Variants in MAP3K4 observed in about 807,000 individuals in gnomAD.
MAP3K4 encodes the protein MAP three kinase 1.
MAP3K4 carries 67 observed loss-of-function variants against 185.6 expected under a neutral mutation model. The observed-to-expected ratio is 0.36, with a 90% CI of 0.30 to 0.44. The LOEUF (loss-of-function observed/expected upper bound fraction) is 0.44. MAP3K4 is among the 20% of genes least tolerant of loss of function. The probability of loss-of-function intolerance (pLI) is 1.00; values close to 1 mark genes in which losing one functional copy is unlikely to be tolerated. For synonymous variants in MAP3K4, 702 were observed against 710.4 expected (o/e 0.99, Z 0.19); for missense variants, 1,551 against 1,995.1 (o/e 0.78, Z 4.24).
Position 161,098,576 on chromosome 6 carries a change from C to T in MAP3K4, c.3674+149C>T, listed in dbSNP as rs546161809. 55 of 882,498 alleles carry T rather than the reference C, an allele frequency of 6.2e-5. No homozygotes were observed. In the Middle Eastern group the frequency reaches 6.9e-4, roughly 11 times the overall value. The allele number at this position is 882,498 out of a possible 1,614,324, so 54.7% of individuals were successfully genotyped here. On this transcript the variant is annotated intron_variant, in intron 17 of 26. Transcript: ENST00000392142. The surrounding 1 kb of genome is among the most constrained non-coding windows in gnomAD (Gnocchi z 4.4). ...CTCTAGGGCCTTCCGCAGGTTGTCA[C>T]GGCCCAGAGGCTCTGGCACTGACCA...
chr6:161,070,823 A>C lies in MAP3K4; in HGVS notation c.1923A>C (p.Gly641=). The C allele has an allele frequency of 6.2e-7, 1 of 1,613,576 alleles. No individual in the cohort carries two copies. The highest frequency in any genetic ancestry group is 2.2e-5 in the East Asian group (1 of 44,870). The change falls in exon 4 of 27, where the codon GGA becomes GGC. Residue 641 remains glycine, a synonymous_variant. Coordinates refer to ENST00000392142, the MANE Select transcript of MAP3K4 (RefSeq NM_005922.4). This position sits in a 1 kb window ranked among gnomAD's most constrained non-coding sequence, Gnocchi z 4.5. ...LKLRLEQRPA[G]EPSLLSIKQL... is the part of the protein sequence containing the mutation. ...TAAGATTGGAGCAGAGACCTGCTGG[A>C]GAACCATCTCTCTTGAGTATTAAGC...
In MAP3K4 at chr6:161,000,720, T is replaced by C. The variant is rs73022082; in HGVS notation, c.152+8637T>C. On this transcript the variant is annotated intron_variant, in intron 1 of 26. Coordinates refer to ENST00000392142, the MANE Select transcript of MAP3K4 (RefSeq NM_005922.4). ...CACACATATATGTGTACACCATATA[T>C]ACACACACATACACACACATATATG... 7.8e-3 allele frequency among the ~76,000 whole-genome samples: 1,172 copies of C among 150,886 alleles called. 7 individuals are homozygous for C. The highest frequency in any genetic ancestry group is 0.011 in the Non-Finnish European group (719 of 67,906).
rs1041116259 is a variant in MAP3K4, at chr6:161,074,939, A to G, written c.2097+1327A>G. ...AGCACATTTCCCCTGCCTTTTGTTG[A>G]CCAGACCTGTTGCATGGCCTCACTG... is the stretch of plus-strand genomic sequence containing the variant. On this transcript the variant is annotated intron_variant, in intron 5 of 26. Coordinates refer to ENST00000392142, the MANE Select transcript of MAP3K4 (RefSeq NM_005922.4). This position sits in a 1 kb window ranked among gnomAD's most constrained non-coding sequence, Gnocchi z 5.0. 1.3e-5 allele frequency among the ~76,000 whole-genome samples: 2 copies of G among 152,134 alleles called. No homozygotes were observed. The highest frequency in any genetic ancestry group is 2.9e-5 in the Non-Finnish European group (2 of 68,022).
intron 3 of MAP3K4, among the ~76,000 whole-genome samples, chr6:161,066,669 T>G (rs1025273292): frequency 6.6e-6 from 1 of 152,202 alleles, no homozygotes; most frequent in Non-Finnish European, 1.5e-5. Flanking sequence ...TTAAGGAAAT[T>G]GCTGTTTCCT....
chr6:161,047,490 G>A (rs1783788224), intron 2 of MAP3K4, among the ~76,000 whole-genome samples: 1 of 152,204 alleles, frequency 6.6e-6, no homozygotes, highest in African/African-American at 2.4e-5. Context: ...TCTAATTTCA[G>A]AGATGTTAAT....
At position 161,014,720 on chromosome 6, in the gene MAP3K4, C is replaced by CT. The variant is rs146514625; in HGVS notation, c.153-19538dup. 7.8e-3 allele frequency among the ~76,000 whole-genome samples: 1,192 copies of CT among 152,294 alleles called. 7 individuals are homozygous for CT. Among genetic ancestry groups the CT allele is most frequent in the Non-Finnish European group, 0.011 (727 of 68,024 alleles). The stretch of plus-strand genomic sequence containing the variant: ...GAGGAAGAGAACTATAACAGTAGGG[C>CT]TCTTGCCTTTACTTATATTTTAGAT... On this transcript the variant is annotated intron_variant, in intron 1 of 26. Transcript: ENST00000392142.
Position 161,104,510 on chromosome 6 carries a change from G to A in MAP3K4, c.3856+1731G>A, listed in dbSNP as rs201076385. Among the ~76,000 whole-genome samples the A allele has an allele frequency of 1.0e-3, 159 of 151,678 alleles. 1 individual carries two copies. The East Asian group carries it at 0.018, about 17-fold the overall frequency. On this transcript the variant is annotated intron_variant, in intron 19 of 26. Transcript: ENST00000392142. Reference sequence around the variant, plus strand: ...AGGTGGATCACGAGGTCAAGAGGTCGAAACCATCCTGGCCAATGTGGTGAA... The same window carrying A: ...AGGTGGATCACGAGGTCAAGAGGTCAAAACCATCCTGGCCAATGTGGTGAA...
intron 3 of MAP3K4, among the ~76,000 whole-genome samples, chr6:161,059,814 A>T (rs1784408654): frequency 1.4e-5 from 2 of 147,084 alleles, no homozygotes; most frequent in Non-Finnish European, 3.0e-5. Flanking sequence ...ATGTGTTATC[A>T]TTGTTCATTA....
chr6:160,996,111 C>G lies in MAP3K4; in HGVS notation c.152+4028C>G, dbSNP rs1002310609. Among the ~76,000 whole-genome samples the G allele has an allele frequency of 6.7e-6, 1 of 150,016 alleles. No individual in the cohort carries two copies. The highest frequency in any genetic ancestry group is 1.5e-5 in the Non-Finnish European group (1 of 67,804). On this transcript the variant is annotated intron_variant, in intron 1 of 26. Transcript: ENST00000392142. The surrounding 1 kb of genome is among the most constrained non-coding windows in gnomAD (Gnocchi z 4.5). Reference sequence around the variant, plus strand: ...CCACCTTGAGCCTGTGTGTTTCAGTCTTGACCTTGTATGTCAACTGTTCTC... The same window carrying G: ...CCACCTTGAGCCTGTGTGTTTCAGTGTTGACCTTGTATGTCAACTGTTCTC...
At chr6:161,012,993 G>A (rs559203197) in intron 1 of MAP3K4, among the ~76,000 whole-genome samples, 2 of 152,062 alleles carry the variant, frequency 1.3e-5, no homozygotes, top group South Asian at 2.1e-4. Flanking sequence ...TGAACCTCTC[G>A]GTACATACCA....
chr6:161,012,709 A>G (rs1488700053), intron 1 of MAP3K4, among the ~76,000 whole-genome samples: 1 of 152,196 alleles, frequency 6.6e-6, no homozygotes, highest in Non-Finnish European at 1.5e-5. Flanking sequence ...CCTTAGACAT[A>G]CATGAGAAAA....
Position 161,101,862 on chromosome 6 carries a change from A to G in MAP3K4, c.3675-30A>G, listed in dbSNP as rs1777852721. On this transcript the variant is annotated intron_variant, in intron 17 of 26. Transcript: ENST00000392142. The surrounding 1 kb of genome is among the most constrained non-coding windows in gnomAD (Gnocchi z 5.1). ...TTTCATTTTAAGTTCTATTGAATTGATAGCTCAATTATTAAAAATATTAAA... is the reference window on the plus strand; with the variant it reads ...TTTCATTTTAAGTTCTATTGAATTGGTAGCTCAATTATTAAAAATATTAAA... 6.4e-7 allele frequency: 1 copy of G among 1,552,954 alleles called. No homozygotes were observed. The highest frequency in any genetic ancestry group is 8.9e-7 in the Non-Finnish European group (1 of 1,125,668).
At position 161,106,207 on chromosome 6, in the gene MAP3K4, G is replaced by A. The variant is rs1454553412; in HGVS notation, c.3857-307G>A. 2.6e-5 allele frequency among the ~76,000 whole-genome samples: 4 copies of A among 152,140 alleles called. No homozygotes were observed. The highest frequency in any genetic ancestry group is 1.3e-4 in the Admixed American group (2 of 15,278). On this transcript the variant is annotated intron_variant, in intron 19 of 26. Coordinates refer to ENST00000392142, the MANE Select transcript of MAP3K4 (RefSeq NM_005922.4). The surrounding 1 kb of genome is among the most constrained non-coding windows in gnomAD (Gnocchi z 4.9). ...TTTTAATAATATGGCAAACAAGAGT[G>A]TGGAATGGAGAGAGGAGAAACTAGA...
At chr6:161,004,994 C>CT (rs919521253) in intron 1 of MAP3K4, among the ~76,000 whole-genome samples, 1 of 152,104 alleles carries the variant, frequency 6.6e-6, no homozygotes, top group Non-Finnish European at 1.5e-5. Flanking sequence ...TACTAAAGGT[C>CT]TTTTTAAAAA....
At position 161,007,536 on chromosome 6, in the gene MAP3K4, G is replaced by A. The variant is rs1376359912; in HGVS notation, c.152+15453G>A. Among the ~76,000 whole-genome samples, 1 of 152,156 alleles carries A rather than the reference G, an allele frequency of 6.6e-6. No homozygotes were observed. The highest frequency in any genetic ancestry group is 6.5e-5 in the Admixed American group (1 of 15,282). ...AACAGTTGTGTCAAGTGATGGGTGT[G>A]TAAGTGCCCAACTCATTCTGTCCTT... On this transcript the variant is annotated intron_variant, in intron 1 of 26. Coordinates refer to ENST00000392142, the MANE Select transcript of MAP3K4 (RefSeq NM_005922.4). The surrounding 1 kb of genome is among the most constrained non-coding windows in gnomAD (Gnocchi z 4.5).
At chr6:161,092,453 G>A (rs1227166593) in intron 13 of MAP3K4, among the ~76,000 whole-genome samples, 1 of 152,028 alleles carries the variant, frequency 6.6e-6, no homozygotes, top group East Asian at 1.9e-4. Flanking sequence ...AAACCATTTT[G>A]GAATTTGCAG....
chr6:161,033,943 G>A (rs926100413), intron 1 of MAP3K4, among the ~76,000 whole-genome samples: 2 of 152,136 alleles, frequency 1.3e-5, no homozygotes, highest in Admixed American at 1.3e-4. Context: ...TTTCCTTAAG[G>A]CGTAAGTTTT....
intron 1 of MAP3K4, among the ~76,000 whole-genome samples, chr6:161,020,826 T>G (rs1164966661): frequency 6.6e-6 from 1 of 152,196 alleles, no homozygotes; most frequent in African/African-American, 2.4e-5. Flanking sequence ...CATGTTGTAT[T>G]TAATGATACA....
chr6:161,022,592 T>A lies in MAP3K4; in HGVS notation c.153-11667T>A, dbSNP rs1225317795. Among the ~76,000 whole-genome samples the A allele has an allele frequency of 6.6e-6, 1 of 152,224 alleles. No individual in the cohort carries two copies. Among genetic ancestry groups the A allele is most frequent in the Non-Finnish European group, 1.5e-5 (1 of 68,040 alleles). On this transcript the variant is annotated intron_variant, in intron 1 of 26. Coordinates refer to ENST00000392142, the MANE Select transcript of MAP3K4 (RefSeq NM_005922.4). The surrounding 1 kb of genome is among the most constrained non-coding windows in gnomAD (Gnocchi z 4.2). ...AGAAGTGATCCTTATCAGTGTGAGC[T>A]ACAAGTGAATGGTCTGCTGAAGATG... is the stretch of plus-strand genomic sequence containing the variant.
Sources: allele counts gnomAD v4.1 joint callset (sites outside exome capture counted in the v4.1 genomes callset), GRCh38; gene constraint gnomAD v4.1.1; non-coding constraint Gnocchi (gnomAD v3.1); transcripts MANE v1.5; gene names NCBI Gene and HGNC (gene_info 2026-07-23, HGNC 2026-07-21).